KCNH1: variants seen among roughly 807,000 people sequenced by gnomAD.
KCNH1 encodes the protein voltage-gated delayed rectifier potassium channel KCNH1.
KCNH1 carries 27 observed loss-of-function variants against 69.2 expected under a neutral mutation model. That is an observed-to-expected ratio of 0.39 (90% confidence interval 0.29 to 0.54). The LOEUF is 0.54. Among genes scored for constraint, KCNH1 ranks in the 20% least tolerant of loss-of-function variants. The pLI is 0.68. For missense variants in KCNH1, 798 were observed against 1,261.6 expected, an observed-to-expected ratio of 0.63 and a Z score of 5.57; for synonymous variants, 456 against 487.7, an observed-to-expected ratio of 0.93 and a Z score of 0.86.
chr1:210,788,871 T>A (rs906235972), intron 9 of KCNH1, among the ~76,000 whole-genome samples: 2 of 150,288 alleles, frequency 1.3e-5, no homozygotes, highest in Admixed American at 1.3e-4. Context: ...TAATTTTTTG[T>A]ATTTTTAGTA....
intron 10 of KCNH1, among the ~76,000 whole-genome samples, chr1:210,740,640 A>G (rs551131379): frequency 3.0e-4 from 45 of 148,662 alleles, no homozygotes; most frequent in Admixed American, 1.9e-3. Context: ...GTCATCTCCT[A>G]TGTTAACTCT....
At chr1:210,856,835 T>C (rs1484742024) in intron 7 of KCNH1, among the ~76,000 whole-genome samples, 1 of 120,226 alleles carries the variant, frequency 8.3e-6, no homozygotes, top group Non-Finnish European at 1.8e-5. Context: ...ATATATAATA[T>C]ATATAAAATA....
At chr1:210,889,001 C>T (rs1201457445) in intron 7 of KCNH1, among the ~76,000 whole-genome samples, 1 of 152,208 alleles carries the variant, frequency 6.6e-6, no homozygotes, top group Middle Eastern at 3.2e-3. Flanking sequence ...ACCATTCCTT[C>T]TGATACTATT....
chr1:210,784,767 C>T (rs1159402099), intron 9 of KCNH1, among the ~76,000 whole-genome samples: 1 of 152,100 alleles, frequency 6.6e-6, no homozygotes, highest in Non-Finnish European at 1.5e-5. Context: ...TGCATACCAT[C>T]TCTATATTAG....
At position 210,964,096 on chromosome 1, in the gene KCNH1, G is replaced by A. The variant is rs143970313; in HGVS notation, c.1033-44027C>T. On this transcript the variant is annotated intron_variant, in intron 6 of 10. Coordinates refer to ENST00000271751, the MANE Select transcript of KCNH1 (RefSeq NM_172362.3). ...CCATCAGACTAACAGCAGATCTCTC[G>A]GCAGAAACCCCACAAGCCAGAAGTG... Among the ~76,000 whole-genome samples, 69 of 152,252 alleles carry A rather than the reference G, an allele frequency of 4.5e-4. 1 individual carries two copies. Among genetic ancestry groups the A allele is most frequent in the African/African-American group, 1.5e-3 (62 of 41,550 alleles).
At chr1:210,906,123 T>C (rs1244324964) in intron 7 of KCNH1, among the ~76,000 whole-genome samples, 3 of 152,184 alleles carry the variant, frequency 2.0e-5, no homozygotes, top group African/African-American at 7.2e-5. Context: ...TGGGCTCTAT[T>C]TTCAGCAGGG....
At chr1:210,910,778 C>G (rs1210840896) in intron 7 of KCNH1, among the ~76,000 whole-genome samples, 2 of 152,244 alleles carry the variant, frequency 1.3e-5, no homozygotes, top group Non-Finnish European at 1.5e-5. Context: ...ATAATGTGCT[C>G]TGCACACAGT....
intron 10 of KCNH1, among the ~76,000 whole-genome samples, chr1:210,769,158 C>T (rs997955691): frequency 2.0e-5 from 3 of 152,130 alleles, no homozygotes; most frequent in Admixed American, 6.5e-5. Context: ...GCTATGATGA[C>T]TCAGGGGGGA....
At chr1:210,694,420 A>T (rs761947203) in intron 10 of KCNH1, among the ~76,000 whole-genome samples, 1 of 149,456 alleles carries the variant, frequency 6.7e-6, no homozygotes, top group Non-Finnish European at 1.5e-5. Flanking sequence ...GGCCCGAGGC[A>T]CTGGATCTGA....
chr1:210,889,149 T>A (rs6678768), intron 7 of KCNH1, among the ~76,000 whole-genome samples: 20,989 of 152,010 alleles, frequency 0.14, 1,607 homozygotes, highest in Non-Finnish European at 0.16. Flanking sequence ...GATGCAAAAA[T>A]CCTCAGTAAA....
intron 7 of KCNH1, among the ~76,000 whole-genome samples, chr1:210,886,135 T>C (rs1264982512): frequency 6.6e-6 from 1 of 152,078 alleles, no homozygotes; most frequent in East Asian, 1.9e-4. Flanking sequence ...AGACACCTCA[T>C]ATAGGAGAAT....
chr1:211,111,041 C>T (rs1349623270), intron 1 of KCNH1, among the ~76,000 whole-genome samples: 1 of 151,910 alleles, frequency 6.6e-6, no homozygotes, highest in African/African-American at 2.4e-5. Context: ...TAAACATGAA[C>T]TTACTGACTT....
chr1:211,030,849 A>G, intron 5 of KCNH1, among the ~76,000 whole-genome samples: 1 of 152,114 alleles, frequency 6.6e-6, no homozygotes, highest in Non-Finnish European at 1.5e-5. Flanking sequence ...ACGTCAAATA[A>G]AGAAATAGTA....
At chr1:210,790,081 C>A (rs1323536440) in intron 9 of KCNH1, among the ~76,000 whole-genome samples, 2 of 152,220 alleles carry the variant, frequency 1.3e-5, no homozygotes, top group Non-Finnish European at 2.9e-5. Flanking sequence ...GCCACCACAC[C>A]TGGCTTTCCC....
chr1:210,765,515 C>A (rs1263337084), intron 10 of KCNH1, among the ~76,000 whole-genome samples: 1 of 152,186 alleles, frequency 6.6e-6, no homozygotes. Flanking sequence ...CCTATCTTGG[C>A]CTCAGCACCT....
At chr1:210,848,951 AG>A (rs555220652) in intron 7 of KCNH1, among the ~76,000 whole-genome samples, 9 of 152,336 alleles carry the variant, frequency 5.9e-5, no homozygotes, top group African/African-American at 2.2e-4. Context: ...TAGCAGAGAA[AG>A]AAATGTACAC....
chr1:211,097,024 G>C (rs1691169598), intron 3 of KCNH1, among the ~76,000 whole-genome samples: 1 of 152,088 alleles, frequency 6.6e-6, no homozygotes, highest in Non-Finnish European at 1.5e-5. Context: ...TCAAATGTGG[G>C]GAACCCAAGT....
intron 1 of KCNH1, among the ~76,000 whole-genome samples, chr1:211,127,391 A>G (rs1691794530): frequency 1.3e-5 from 2 of 150,728 alleles, no homozygotes; most frequent in African/African-American, 4.9e-5. Context: ...TGCTTCTCAA[A>G]TTAAGAAAAT....
intron 10 of KCNH1, among the ~76,000 whole-genome samples, chr1:210,759,104 G>GA (rs1373586306): frequency 2.0e-5 from 3 of 149,130 alleles, no homozygotes; most frequent in Non-Finnish European, 2.9e-5. Flanking sequence ...ACCCCAAGGG[G>GA]AAAAAAGAAT....
Sources: gnomAD v4.1 joint callset for allele counts (sites outside exome capture counted in the v4.1 genomes callset) on GRCh38, gnomAD v4.1.1 for gene constraint, MANE v1.5 for transcripts, NCBI Gene and HGNC (gene_info 2026-07-23, HGNC 2026-07-21) for gene names.